GK: variants seen among roughly 807,000 people sequenced by gnomAD.
GK encodes the protein glycerol kinase.
In GK, 9 loss-of-function variants were observed where a neutral mutation model predicts 56.4. The observed-to-expected ratio is 0.16, with a 90% CI of 0.10 to 0.28. The LOEUF is 0.28. Among genes scored for constraint, GK ranks in the 10% least tolerant of loss-of-function variants. The pLI is 1.00. For synonymous variants in GK, 104 were observed against 144.1 expected, an observed-to-expected ratio of 0.72 and a Z score of 1.99; for missense variants, 161 against 431.4, an observed-to-expected ratio of 0.37 and a Z score of 5.55.
chrX:30,673,888 T>A (rs1022346313), intron 3 of GK, among the ~76,000 whole-genome samples: 1 of 111,492 alleles, frequency 9.0e-6, no homozygotes, highest in African/African-American at 3.3e-5. Flanking sequence ...TAGTTGACTA[T>A]AAGTTCATTG....
intron 1 of GK, among the ~76,000 whole-genome samples, chrX:30,665,253 G>GT (rs1304521430): frequency 9.0e-6 from 1 of 111,696 alleles, no homozygotes; most frequent in Non-Finnish European, 1.9e-5. Flanking sequence ...AACCATTTTG[G>GT]TTTTTTAAGG....
intron 1 of GK, among the ~76,000 whole-genome samples, chrX:30,664,507 A>G (rs747599820): frequency 5.5e-5 from 6 of 108,256 alleles, no homozygotes; most frequent in South Asian, 3.9e-4. Context: ...AAAACTTGCT[A>G]TATTTTAAAA....
chrX:30,668,208 G>C, intron 3 of GK, 90 bp downstream of exon 3: 1 of 553,752 alleles, frequency 1.8e-6, no homozygotes, highest in East Asian at 3.6e-5. Context: ...GAGTGCCTAT[G>C]CAGTGCCAAG....
chrX:30,664,111 A>G (rs1306355711), intron 1 of GK, among the ~76,000 whole-genome samples: 11 of 47,337 alleles, frequency 2.3e-4, no homozygotes, highest in Admixed American at 1.7e-3. Context: ...TTTTATAGAT[A>G]TATATTTTAT....
Position 30,723,272 on chromosome X carries a change from G to A in GK, c.1502-829G>A, listed in dbSNP as rs757098098. Among the ~76,000 whole-genome samples, 452 of 109,462 alleles carry A rather than the reference G, an allele frequency of 4.1e-3. 2 individuals are homozygous for A. The highest frequency in any genetic ancestry group is 0.014 in the African/African-American group (432 of 30,052). ...TAGCTGGGCGTGGTGGTGGGCGCCT[G>A]TAGTCCCAGCTACCGGGGAGGCTGA... On this transcript the variant is annotated intron_variant, in intron 18 of 20. Transcript: ENST00000427190.
intron 3 of GK, among the ~76,000 whole-genome samples, chrX:30,676,426 G>A (rs1358531176): frequency 8.9e-6 from 1 of 112,224 alleles, no homozygotes; most frequent in Non-Finnish European, 1.9e-5. Context: ...ATTTGAGCTT[G>A]AGAAGTATTT....
rs138317985 is a variant in GK at position 30,729,739 on chromosome X, C to T, written c.*997C>T. 1 of 113,071 alleles carries T rather than the reference C, an allele frequency of 8.8e-6. No homozygotes were observed. Among genetic ancestry groups the T allele is most frequent in the Non-Finnish European group, 1.9e-5 (1 of 53,373 alleles). 9.3% of individuals were successfully genotyped at this position (113,071 alleles called of 1,213,427 possible). A position where few individuals can be genotyped will look rare whatever the true frequency, so the allele number is the denominator to read the frequency against. On this transcript the variant is annotated 3_prime_UTR_variant, in exon 21 of 21. Coordinates refer to ENST00000427190, the MANE Select transcript of GK (RefSeq NM_001205019.2). ...CTTCAACTATATTTCTTATCCCTTA[C>T]ATTTTTATTTAATTGTCTTAGCTTA...
chrX:30,698,866 C>CAAAAA (rs386416832), intron 9 of GK, among the ~76,000 whole-genome samples: 9 of 43,177 alleles, frequency 2.1e-4, no homozygotes, highest in East Asian at 7.0e-4. Flanking sequence ...AACTCCATCT[C>CAAAAA]AAAAAAAAAA....
chrX:30,722,723 T>G (rs1275983479), intron 18 of GK, among the ~76,000 whole-genome samples: 1 of 111,319 alleles, frequency 9.0e-6, no homozygotes, highest in Non-Finnish European at 1.9e-5. Context: ...TAGAGTATAT[T>G]GGGAGCAGAA....
intron 5 of GK, among the ~76,000 whole-genome samples, chrX:30,693,011 CTTTTTTTT>C (rs1184645786): frequency 1.8e-5 from 1 of 56,619 alleles, no homozygotes; most frequent in Non-Finnish European, 3.2e-5. Flanking sequence ...TTTTTCTTTT[CTTTTTTTT>C]TTTTTTTTTT....
At chrX:30,662,913 G>A (rs190261486) in intron 1 of GK, among the ~76,000 whole-genome samples, 56 of 88,745 alleles carry the variant, frequency 6.3e-4, no homozygotes, top group African/African-American at 2.2e-3. Context: ...TCGTAGTTTC[G>A]CTCTTGTGTC....
chrX:30,696,180 T>C, intron 7 of GK, 29 bp downstream of exon 7: 1 of 808,960 alleles, frequency 1.2e-6, no homozygotes, highest in South Asian at 2.1e-5. Context: ...TAAATATAGT[T>C]TTCCCAATAC....
chrX:30,658,847 A>G (rs767248165), intron 1 of GK, among the ~76,000 whole-genome samples: 83 of 112,475 alleles, frequency 7.4e-4, no homozygotes, highest in Non-Finnish European at 1.3e-3. Flanking sequence ...CATGTGGTAG[A>G]CACATGTTAC....
intron 18 of GK, 123 bp downstream of exon 18, chrX:30,721,118 C>A: frequency 1.4e-6 from 1 of 690,088 alleles, no homozygotes; most frequent in Non-Finnish European, 2.3e-6. Flanking sequence ...GTTATCATTG[C>A]AGATTCGGCT....
intron 6 of GK, 55 bp downstream of exon 6, chrX:30,694,592 C>T (rs1485056052): frequency 1.8e-5 from 18 of 1,000,887 alleles, no homozygotes; most frequent in Non-Finnish European, 2.5e-5. Context: ...TTTTTCTAGA[C>T]TGCCTTGCCT....
intron 4 of GK, among the ~76,000 whole-genome samples, chrX:30,680,838 A>G (rs771383495): frequency 1.8e-5 from 2 of 111,666 alleles, no homozygotes; most frequent in Non-Finnish European, 3.8e-5. Context: ...AAAATCCCAG[A>G]CTTTGGACTG....
chrX:30,715,959 C>A lies in GK; in HGVS notation c.976-2579C>A, dbSNP rs1418877017. On this transcript the variant is annotated intron_variant, in intron 13 of 20. Coordinates refer to ENST00000427190, the MANE Select transcript of GK (RefSeq NM_001205019.2). ...TTAACAGTGACTATGTATTTTTTTT[C>A]TTTTGTTTTAATCTAAATAATACTC... 2.7e-5 allele frequency among the ~76,000 whole-genome samples: 3 copies of A among 111,283 alleles called. No homozygotes were observed. The Admixed American group carries it at 2.9e-4, about 11-fold the overall frequency.
chrX:30,731,397 A>T lies in GK; in HGVS notation c.*2655A>T, dbSNP rs1289824874. ...ATATTTAAATAATGAAGTTTCCTTG[A>T]TCCTTTGCTTTTGCAACCTAACAAC... On this transcript the variant is annotated 3_prime_UTR_variant, in exon 21 of 21. Coordinates refer to ENST00000427190, the MANE Select transcript of GK (RefSeq NM_001205019.2). 8.9e-6 allele frequency: 1 copy of T among 112,017 alleles called. No homozygotes were observed. Among genetic ancestry groups the T allele is most frequent in the African/African-American group, 3.2e-5 (1 of 30,845 alleles). The allele number at this position is 112,017 out of a possible 1,213,427, so 9.2% of individuals were successfully genotyped here. A position where few individuals can be genotyped will look rare whatever the true frequency, so the allele number is the denominator to read the frequency against.
At chrX:30,728,458 T>G (rs1180620343) in intron 20 of GK, among the ~76,000 whole-genome samples, 1 of 112,064 alleles carries the variant, frequency 8.9e-6, no homozygotes, top group African/African-American at 3.2e-5. Context: ...ACTTCTAAAA[T>G]GCATGTGGTC....
Sources: allele counts gnomAD v4.1 joint callset (sites outside exome capture counted in the v4.1 genomes callset), GRCh38; gene constraint gnomAD v4.1.1; transcripts MANE v1.5; gene names NCBI Gene and HGNC (gene_info 2026-07-23, HGNC 2026-07-21).